The following TM9SF2 variants were observed in gnomAD, a reference collection of about 807,000 sequenced individuals.
TM9SF2 encodes the protein 76 kDa membrane protein.
TM9SF2 carries 13 observed loss-of-function variants against 84.9 expected under a neutral mutation model. The ratio of observed to expected loss-of-function variants is 0.15; its 90% CI spans 0.10 to 0.24. The LOEUF is 0.24. TM9SF2 is among the 10% of genes least tolerant of loss of function. TM9SF2 has a pLI of 1.00. For synonymous variants in TM9SF2, 273 were observed against 285.8 expected (o/e 0.96, Z 0.45); for missense variants, 562 against 818.5 (o/e 0.69, Z 3.82).
At chr13:99,537,362 G>A (rs868284527) in intron 5 of TM9SF2, among the ~76,000 whole-genome samples, 10 of 152,038 alleles carry the variant, frequency 6.6e-5, no homozygotes, top group African/African-American at 2.2e-4. Context: ...AATAATTTAG[G>A]TTATGAGTTT....
Position 99,555,613 on chromosome 13 carries a change from C to G in TM9SF2, c.1718C>G (p.Thr573Ser). The change falls in exon 15 of 17, where the codon ACT becomes AGT. Residue 573 changes from threonine to serine, a missense_variant. Physicochemically the swap from Thr to Ser is moderately conservative, Grantham distance 58 (BLOSUM62 1). Transcript: ENST00000376387. ...IILVITCSEA[T>S]ILLCYFHLCA... ...TTGGTTATTACCTGTTCTGAAGCAA[C>G]TATACTTCTTTGCTATTTCCACCTA... 1 of 1,613,904 alleles carries G rather than the reference C, an allele frequency of 6.2e-7. No individual in the cohort carries two copies. Among genetic ancestry groups the G allele is most frequent in the Non-Finnish European group, 8.5e-7 (1 of 1,179,860 alleles).
chr13:99,542,935 C>T (rs999169718), intron 9 of TM9SF2, among the ~76,000 whole-genome samples: 6 of 152,128 alleles, frequency 3.9e-5, no homozygotes, highest in African/African-American at 7.2e-5. Flanking sequence ...CTCTTGAGCA[C>T]GGCCCTCCAG....
At chr13:99,522,821 T>C (rs2046166156) in intron 3 of TM9SF2, among the ~76,000 whole-genome samples, 1 of 152,222 alleles carries the variant, frequency 6.6e-6, no homozygotes, top group African/African-American at 2.4e-5. Flanking sequence ...TAGGATGTCA[T>C]TGGGCACATT....
chr13:99,549,185 A>G lies in TM9SF2; in HGVS notation c.1291A>G (p.Lys431Glu), dbSNP rs2139105865. The change falls in exon 12 of 17, where the codon AAA becomes GAA. Residue 431 changes from lysine (K) to glutamate (E), a missense_variant. Transcript: ENST00000376387. ...TATAGCCTTTGGAGGTGAGAAGTGG[A>G]AAACAAATGTTTTATTAACATCATT... ...FYKSFGGEKW[K>E]TNVLLTSFLC... 5 of 1,613,440 alleles carry G rather than the reference A, an allele frequency of 3.1e-6. No individual in the cohort carries two copies. The highest frequency in any genetic ancestry group is 4.2e-6 in the Non-Finnish European group (5 of 1,179,676).
chr13:99,524,700 C>G (rs2046174573), intron 3 of TM9SF2, among the ~76,000 whole-genome samples: 1 of 151,718 alleles, frequency 6.6e-6, no homozygotes. Context: ...TCCTCCTGAC[C>G]TATAAAATCA....
At chr13:99,549,139 T>C in intron 11 of TM9SF2, 26 bp from the exon 12 acceptor site, 2 of 1,597,646 alleles carry the variant, frequency 1.3e-6, no homozygotes, top group Non-Finnish European at 1.7e-6. Context: ...AATCTGTATT[T>C]ATACAACTTT....
rs981890209 is a variant in TM9SF2 at position 99,515,092 on chromosome 13, C to T, written c.172-2522C>T. ...TGAGAAAGGTTGAGAGTGAGGAATA[C>T]GCTTAATTGTAGCAAGAGGGACATG... is the stretch of plus-strand genomic sequence containing the variant. On this transcript the variant is annotated intron_variant, in intron 1 of 16. Coordinates refer to ENST00000376387, the MANE Select transcript of TM9SF2 (RefSeq NM_004800.3). Among the ~76,000 whole-genome samples the T allele has an allele frequency of 7.2e-5, 11 of 152,124 alleles. 1 individual carries two copies. The highest frequency in any genetic ancestry group is 6.2e-4 in the South Asian group (3 of 4,830).
intron 3 of TM9SF2, 33 bp from the exon 4 acceptor site, chr13:99,529,434 T>C: frequency 6.8e-7 from 1 of 1,473,942 alleles, no homozygotes; most frequent in Non-Finnish European, 9.0e-7. Context: ...GGATATTTTT[T>C]CTGAATTTGC....
At chr13:99,524,635 G>A (rs2046174325) in intron 3 of TM9SF2, among the ~76,000 whole-genome samples, 1 of 151,880 alleles carries the variant, frequency 6.6e-6, no homozygotes, top group East Asian at 2.0e-4. Flanking sequence ...AGATCCCCAA[G>A]GGAGTGGGTA....
chr13:99,562,901 C>G lies in TM9SF2; in HGVS notation c.*143C>G, dbSNP rs2139117701. On this transcript the variant is annotated 3_prime_UTR_variant, in exon 17 of 17. Transcript: ENST00000376387. ...CACCGTAATTCTAAATAAACCTCTT[C>G]CCATACACCTTTCCCCCATAAGATG... 4.5e-6 allele frequency: 3 copies of G among 669,510 alleles called. No homozygotes were observed. In the East Asian group the frequency reaches 8.2e-5, roughly 18 times the overall value. The allele number at this position is 669,510 out of a possible 1,614,324, so 41.5% of individuals were successfully genotyped here. A position where few individuals can be genotyped will look rare whatever the true frequency, so the allele number is the denominator to read the frequency against.
intron 15 of TM9SF2, among the ~76,000 whole-genome samples, chr13:99,557,868 C>G (rs2046330534): frequency 1.3e-5 from 2 of 148,610 alleles, no homozygotes; most frequent in African/African-American, 4.9e-5. Context: ...TGTCTCCTAC[C>G]CCACCCCCGA....
chr13:99,508,442 C>CACAT (rs2046098753), intron 1 of TM9SF2, among the ~76,000 whole-genome samples: 1 of 150,630 alleles, frequency 6.6e-6, no homozygotes, highest in Non-Finnish European at 1.5e-5. Flanking sequence ...CACACACACA[C>CACAT]ACCCCAGAGA....
At chr13:99,514,358 T>G (rs537721155) in intron 1 of TM9SF2, 1 of 152,238 alleles carries the variant, frequency 6.6e-6, no homozygotes. Context: ...CCTTTTAGAC[T>G]GCATTTTGAT....
intron 15 of TM9SF2, among the ~76,000 whole-genome samples, chr13:99,556,596 T>G (rs2046325678): frequency 6.6e-6 from 1 of 151,994 alleles, no homozygotes; most frequent in South Asian, 2.1e-4. Context: ...TTTTCCTTTT[T>G]TTCTTGAGAC....
chr13:99,559,073 A>C (rs2046334930), intron 15 of TM9SF2, among the ~76,000 whole-genome samples: 1 of 152,230 alleles, frequency 6.6e-6, no homozygotes, highest in Non-Finnish European at 1.5e-5. Flanking sequence ...TTTGGGAAGA[A>C]TAAATTTTGA....
At chr13:99,552,706 C>T (rs556032227) in intron 13 of TM9SF2, among the ~76,000 whole-genome samples, 2 of 152,284 alleles carry the variant, frequency 1.3e-5, no homozygotes, top group South Asian at 2.1e-4. Context: ...AGGGTTAAAG[C>T]GATTTTCCTG....
At chr13:99,539,283 A>T (rs2046248075) in intron 6 of TM9SF2, among the ~76,000 whole-genome samples, 163 bp from the exon 7 acceptor site, 1 of 152,208 alleles carries the variant, frequency 6.6e-6, no homozygotes, top group Admixed American at 6.5e-5. Flanking sequence ...TATGTTTATA[A>T]TTTTGTACAC....
intron 4 of TM9SF2, among the ~76,000 whole-genome samples, chr13:99,533,791 C>T (rs2046221461): frequency 6.6e-6 from 1 of 152,140 alleles, no homozygotes; most frequent in South Asian, 2.1e-4. Flanking sequence ...CCACCTCCGC[C>T]TCCTGAGTAG....
intron 9 of TM9SF2, among the ~76,000 whole-genome samples, chr13:99,543,432 T>C (rs562278040): frequency 1.3e-5 from 2 of 152,362 alleles, no homozygotes; most frequent in African/African-American, 4.8e-5. Flanking sequence ...AATGAATGTT[T>C]ACATCCATGC....
Sources: allele counts gnomAD v4.1 joint callset (sites outside exome capture counted in the v4.1 genomes callset), GRCh38; gene constraint gnomAD v4.1.1; transcripts MANE v1.5; gene names NCBI Gene and HGNC (gene_info 2026-07-23, HGNC 2026-07-21).